Variants in HEATR5A observed in about 807,000 individuals in gnomAD.
HEATR5A encodes the protein HEAT repeat containing 5A, also known as HEAT repeat-containing protein 5A.
HEATR5A carries 178 observed loss-of-function variants against 218.8 expected under a neutral mutation model. The ratio of observed to expected loss-of-function variants is 0.81; its 90% confidence interval spans 0.72 to 0.92. HEATR5A has a LOEUF of 0.92. Ranked by LOEUF, HEATR5A falls within the 40% of genes least tolerant of loss-of-function variation. HEATR5A has a pLI of 0.00. For missense variants in HEATR5A, 2,420 were observed against 2,418.9 expected, an observed-to-expected ratio of 1.00 and a Z score of -0.01; for synonymous variants, 864 against 871.6, an observed-to-expected ratio of 0.99 and a Z score of 0.15.
At chr14:31,409,115 T>C (rs1444013377) in intron 1 of HEATR5A, among the ~76,000 whole-genome samples, 1 of 143,302 alleles carries the variant, frequency 7.0e-6, no homozygotes, top group African/African-American at 2.5e-5. Flanking sequence ...TGGCACAATC[T>C]TGGCTCACTG....
chr14:31,313,104 T>C lies in HEATR5A; in HGVS notation c.4305A>G (p.Gly1435=), dbSNP rs751329078. ...TTCLEDGIRN[G]SCSSDGLLDL... ...CAAGCAGTCCATCTGATGAACATGA[T>C]CCATTTCTGATACCGTCTTCTAAAC... The change falls in exon 28 of 36, where the codon GGA becomes GGG. Residue 1435 remains glycine (G), a synonymous_variant. Coordinates refer to ENST00000543095, the MANE Select transcript of HEATR5A (RefSeq NM_015473.4). 1 of 1,613,918 alleles carries C rather than the reference T, an allele frequency of 6.2e-7. No individual in the cohort carries two copies. The highest frequency in any genetic ancestry group is 1.1e-5 in the South Asian group (1 of 91,084).
intron 12 of HEATR5A, 21 bp downstream of exon 12, chr14:31,374,795 A>G: frequency 6.3e-7 from 1 of 1,592,278 alleles, no homozygotes; most frequent in Non-Finnish European, 8.5e-7. Flanking sequence ...AAAGGGAGAG[A>G]AAAGACTAAA....
chr14:31,372,802 G>C (rs936517950), intron 12 of HEATR5A, among the ~76,000 whole-genome samples: 1 of 152,080 alleles, frequency 6.6e-6, no homozygotes, highest in Non-Finnish European at 1.5e-5. Flanking sequence ...ACTCCAGCCT[G>C]GGCAACAAGA....
intron 28 of HEATR5A, among the ~76,000 whole-genome samples, chr14:31,311,111 C>T (rs1050235346): frequency 6.6e-6 from 1 of 152,066 alleles, no homozygotes; most frequent in Admixed American, 6.6e-5. Flanking sequence ...ACTTTACAGG[C>T]TCATCCTAAA....
intron 23 of HEATR5A, among the ~76,000 whole-genome samples, chr14:31,325,304 C>A (rs1207328198): frequency 6.6e-6 from 1 of 152,130 alleles, no homozygotes; most frequent in East Asian, 1.9e-4. Flanking sequence ...TTCTCATGAA[C>A]AATTATCTTG....
rs1899070151 is a variant in HEATR5A, at chr14:31,293,050, A to C, written c.*255T>G. On this transcript the variant is annotated 3_prime_UTR_variant, in exon 36 of 36. Transcript: ENST00000543095. ...GATTGTTTAGTAAGTTTAGTTCTTT[A>C]GCACTTTCTTAAAATTCCTGGCAAG... is the stretch of plus-strand genomic sequence containing the variant. The C allele has an allele frequency of 2.6e-6, 1 of 390,416 alleles. No individual in the cohort carries two copies. The highest frequency in any genetic ancestry group is 4.5e-6 in the Non-Finnish European group (1 of 220,704). 24.2% of individuals were successfully genotyped at this position (390,416 alleles called of 1,614,324 possible). A position where few individuals can be genotyped will look rare whatever the true frequency, so the allele number is the denominator to read the frequency against.
rs559559077 is a variant in HEATR5A at position 31,392,167 on chromosome 14, A to C, written c.772+1885T>G. 5.3e-5 allele frequency among the ~76,000 whole-genome samples: 8 copies of C among 152,380 alleles called. No individual in the cohort carries two copies. The South Asian group carries it at 1.7e-3, about 32-fold the overall frequency. On this transcript the variant is annotated intron_variant, in intron 6 of 35. Coordinates refer to ENST00000543095, the MANE Select transcript of HEATR5A (RefSeq NM_015473.4). The stretch of plus-strand genomic sequence containing the variant: ...AGTGATGTTACATCCTGTTCAATGC[A>C]TAACATCAAAAAGCACTGCCAGGTG...
At chr14:31,344,268 C>CTTTTT (rs577497140) in intron 20 of HEATR5A, among the ~76,000 whole-genome samples, 3 of 50,812 alleles carry the variant, frequency 5.9e-5, no homozygotes, top group Non-Finnish European at 7.4e-5. Context: ...ATTAGTTATT[C>CTTTTT]TTTTTTTTTT....
intron 26 of HEATR5A, among the ~76,000 whole-genome samples, chr14:31,317,623 C>A (rs188374619): frequency 6.6e-6 from 1 of 152,242 alleles, no homozygotes; most frequent in South Asian, 2.1e-4. Context: ...TGTCTGACAA[C>A]GCAGTCTGAG....
At chr14:31,325,715 C>T (rs1420676158) in intron 23 of HEATR5A, among the ~76,000 whole-genome samples, 4 of 151,710 alleles carry the variant, frequency 2.6e-5, no homozygotes, top group African/African-American at 9.7e-5. Flanking sequence ...GGTGTTTTGC[C>T]ACGTTGCCCA....
chr14:31,386,572 G>A lies in HEATR5A; in HGVS notation c.1193C>T (p.Ala398Val). 6.4e-7 allele frequency: 1 copy of A among 1,574,330 alleles called. No individual in the cohort carries two copies. Among genetic ancestry groups the A allele is most frequent in the South Asian group, 1.2e-5 (1 of 84,446 alleles). ...AIWKLKKVMD[A>V]VMSDGNLETR... ...TTCCAAATTACCATCACTCATTACG[G>A]CATCTGATAGAAATGCAAGAATTAA... The change falls in exon 9 of 36, where the codon GCC (alanine) becomes GTC (valine). Residue 398 changes from alanine (A) to valine (V), a missense_variant. Physicochemically the swap from Ala to Val is moderately conservative, Grantham distance 64. Coordinates refer to ENST00000543095, the MANE Select transcript of HEATR5A (RefSeq NM_015473.4).
At chr14:31,321,856 G>A (rs1231788492) in intron 24 of HEATR5A, among the ~76,000 whole-genome samples, 176 bp from the exon 25 acceptor site, 1 of 152,124 alleles carries the variant, frequency 6.6e-6, no homozygotes, top group African/African-American at 2.4e-5. Flanking sequence ...AATGTACACT[G>A]CAAATACACA....
chr14:31,347,813 G>A lies in HEATR5A; in HGVS notation c.2803C>T (p.His935Tyr), dbSNP rs372119141. ...RYLGGISSSQHLNSCIGILYT... is the reference protein window; with the variant it reads ...RYLGGISSSQYLNSCIGILYT... ...AGGATTCCAATACAAGAATTTAGGTGTTGAGAAGAACTTATTCCTCCTAAA... is the reference window on the plus strand; with the variant it reads ...AGGATTCCAATACAAGAATTTAGGTATTGAGAAGAACTTATTCCTCCTAAA... The change falls in exon 19 of 36, where the codon CAC becomes TAC. Residue 935 changes from histidine to tyrosine, a missense_variant. Transcript: ENST00000543095. 7.5e-6 allele frequency: 12 copies of A among 1,609,764 alleles called. No individual in the cohort carries two copies. The highest frequency in any genetic ancestry group is 1.0e-5 in the Non-Finnish European group (12 of 1,177,734).
chr14:31,306,584 A>ATCTCGGTGGTC, intron 31 of HEATR5A, 148 bp downstream of exon 31: 1 of 734,174 alleles, frequency 1.4e-6, no homozygotes, highest in Admixed American at 3.4e-5. Flanking sequence ...CAATGTGTAG[A>ATCTCGGTGGTC]GCACAAAAAG....
At chr14:31,350,869 C>G (rs756382092) in intron 16 of HEATR5A, among the ~76,000 whole-genome samples, 152 bp from the exon 17 acceptor site, 2 of 152,236 alleles carry the variant, frequency 1.3e-5, no homozygotes, top group Non-Finnish European at 2.9e-5. Flanking sequence ...CCTCCACCTT[C>G]CTGGCTCAAG....
chr14:31,372,056 G>T, intron 12 of HEATR5A, 147 bp from the exon 13 acceptor site: 4 of 481,926 alleles, frequency 8.3e-6, no homozygotes, highest in Non-Finnish European at 7.4e-6. Context: ...GTATAAAAAG[G>T]TATATAGTGC....
At chr14:31,334,570 T>C (rs953643234) in intron 22 of HEATR5A, 3 of 385,918 alleles carry the variant, frequency 7.8e-6, no homozygotes, top group African/African-American at 6.2e-5. Context: ...ACTAAAATGC[T>C]ATCAAAAAGC....
chr14:31,344,268 C>CTTT (rs577497140), intron 20 of HEATR5A, among the ~76,000 whole-genome samples: 6 of 50,814 alleles, frequency 1.2e-4, no homozygotes, highest in African/African-American at 2.0e-4. Context: ...ATTAGTTATT[C>CTTT]TTTTTTTTTT....
chr14:31,408,509 T>C (rs1385762799), intron 1 of HEATR5A, among the ~76,000 whole-genome samples: 1 of 152,152 alleles, frequency 6.6e-6, no homozygotes, highest in Non-Finnish European at 1.5e-5. Context: ...AAGAATACTA[T>C]TTTAATGGAA....
Sources: allele counts gnomAD v4.1 joint callset (sites outside exome capture counted in the v4.1 genomes callset), GRCh38; gene constraint gnomAD v4.1.1; transcripts MANE v1.5; gene names NCBI Gene and HGNC (gene_info 2026-07-23, HGNC 2026-07-21).